POMT2: variants seen among roughly 807,000 people sequenced by gnomAD.
POMT2 encodes the protein protein O-mannosyl-transferase 2.
Under a neutral mutation model 100.0 loss-of-function variants are expected in POMT2, and 75 were observed. The observed-to-expected ratio is 0.75, with a 90% CI of 0.62 to 0.91. The LOEUF (loss-of-function observed/expected upper bound fraction) is 0.91. POMT2 is among the 40% of genes least tolerant of loss of function. The pLI, the probability that POMT2 is intolerant of heterozygous loss-of-function variation, is 0.00. For synonymous variants in POMT2, 378 were observed against 374.1 expected, an observed-to-expected ratio of 1.01 and a Z score of -0.12; for missense variants, 940 against 955.1, an observed-to-expected ratio of 0.98 and a Z score of 0.21.
intron 10 of POMT2, 70 bp from the exon 11 acceptor site, chr14:77,288,901 G>T: frequency 7.6e-7 from 1 of 1,315,704 alleles, no homozygotes. Context: ...GGGCCTACTG[G>T]TAAACAGTTA....
chr14:77,314,311 T>C (rs888513691), intron 1 of POMT2, among the ~76,000 whole-genome samples: 2 of 152,078 alleles, frequency 1.3e-5, no homozygotes, highest in Non-Finnish European at 2.9e-5. Context: ...ATTCATCCAG[T>C]CCCTCAGCAC....
In POMT2 at chr14:77,278,752, A is replaced by G; in HGVS notation, c.2009T>C (p.Met670Thr). ...ACCTGTCAACATGCTTGAGAAGAGC[A>G]TGGCTGGGAAGTAGTGGTGGAAGTA... is the stretch of plus-strand genomic sequence containing the variant. Reference protein sequence around the residue: ...VLYFHHYFPAMLFSSMLTGIL... With the variant: ...VLYFHHYFPATLFSSMLTGIL... The change falls in exon 19 of 21, where the codon ATG (methionine) becomes ACG (threonine). Residue 670 changes from methionine (M) to threonine (T), a missense_variant. Coordinates refer to ENST00000261534, the MANE Select transcript of POMT2 (RefSeq NM_013382.7). The G allele has an allele frequency of 6.2e-7, 1 of 1,613,932 alleles. No individual in the cohort carries two copies. The highest frequency in any genetic ancestry group is 8.5e-7 in the Non-Finnish European group (1 of 1,179,934).
intron 15 of POMT2, among the ~76,000 whole-genome samples, chr14:77,280,857 C>T (rs574370695): frequency 7.9e-5 from 12 of 152,098 alleles, no homozygotes; most frequent in Non-Finnish European, 1.6e-4. Flanking sequence ...TTTGGGAGGC[C>T]GAGGCGGGTG....
intron 2 of POMT2, among the ~76,000 whole-genome samples, chr14:77,310,078 G>A (rs889214655): frequency 6.6e-6 from 1 of 152,252 alleles, no homozygotes; most frequent in South Asian, 2.1e-4. Flanking sequence ...AGTCCCCACA[G>A]AAAGACTGGG....
At position 77,277,087 on chromosome 14, in the gene POMT2, C is replaced by T. The variant is rs886050823; in HGVS notation, c.*289G>A. ...CAACATGCCCTCACATACACACACG[C>T]GCACCCACTCCCACCCTCTGGCACC... On this transcript the variant is annotated 3_prime_UTR_variant, in exon 21 of 21. Transcript: ENST00000261534. The T allele has an allele frequency of 8.7e-5, 42 of 481,556 alleles. 1 individual carries two copies. The highest frequency in any genetic ancestry group is 6.4e-5 in the South Asian group (3 of 46,788). The allele number at this position is 481,556 out of a possible 1,614,324, so 29.8% of individuals were successfully genotyped here.
At chr14:77,301,551 C>G (rs1161882652) in intron 5 of POMT2, among the ~76,000 whole-genome samples, 4 of 152,210 alleles carry the variant, frequency 2.6e-5, no homozygotes, top group African/African-American at 9.7e-5. Flanking sequence ...AGTGACCAGT[C>G]AGGCAGGAGT....
chr14:77,278,185 G>A, intron 20 of POMT2: 1 of 596,110 alleles, frequency 1.7e-6, no homozygotes, highest in Non-Finnish European at 3.0e-6. Context: ...AAAAGGCAGA[G>A]TTAAGCCCTG....
intron 2 of POMT2, among the ~76,000 whole-genome samples, chr14:77,310,852 T>C (rs1004712429): frequency 6.6e-6 from 1 of 152,174 alleles, no homozygotes. Flanking sequence ...AAGACTAAAA[T>C]GGGCCAGGTG....
chr14:77,300,781 C>G, intron 6 of POMT2: 1 of 348,486 alleles, frequency 2.9e-6, no homozygotes, highest in South Asian at 2.4e-5. Flanking sequence ...GATCGGCCCA[C>G]TGCACTCCAG....
intron 6 of POMT2, chr14:77,299,995 G>A (rs1890962906): frequency 7.2e-6 from 2 of 277,380 alleles, no homozygotes; most frequent in Non-Finnish European, 1.4e-5. Flanking sequence ...TTCCTGGATT[G>A]CCTGGGACTG....
intron 8 of POMT2, among the ~76,000 whole-genome samples, chr14:77,297,694 G>A (rs1025106517): frequency 6.6e-6 from 1 of 152,196 alleles, no homozygotes; most frequent in African/African-American, 2.4e-5. Context: ...CTGCACTCAA[G>A]TCCTTAGTGA....
chr14:77,320,801 G>C lies in POMT2; in HGVS notation c.-120C>G. ...CCCGGGAAATGCAACGCCCTTCACTGCAGCGGAGCGCGGGGCCCCGGGCTC... is the reference window on the plus strand; with the variant it reads ...CCCGGGAAATGCAACGCCCTTCACTCCAGCGGAGCGCGGGGCCCCGGGCTC... On this transcript the variant is annotated 5_prime_UTR_variant, in exon 1 of 21. Transcript: ENST00000261534. 1 of 1,410,500 alleles carries C rather than the reference G, an allele frequency of 7.1e-7. No individual in the cohort carries two copies. Among genetic ancestry groups the C allele is most frequent in the Non-Finnish European group, 9.2e-7 (1 of 1,091,642 alleles). The allele number at this position is 1,410,500 out of a possible 1,614,324, so 87.4% of individuals were successfully genotyped here.
At chr14:77,280,544 T>A in intron 15 of POMT2, 81 bp from the exon 16 acceptor site, 1 of 1,606,772 alleles carries the variant, frequency 6.2e-7, no homozygotes. Context: ...GTTTTTCTGA[T>A]ATAGGGCCAA....
rs1350511523 is a variant in POMT2 at position 77,320,558 on chromosome 14, G to A, written c.124C>T (p.Pro42Ser). ...DVAAEAVARSPKRPAWGSRRF... is the reference protein window; with the variant it reads ...DVAAEAVARSSKRPAWGSRRF... ...CGTGAGCCCCAAGCAGGCCGTTTGG[G>A]GCTTCGCGCCACAGCCTCAGCGGCC... Residue 42 changes from proline to serine, a missense_variant, in exon 1 of 21, where the codon CCC becomes TCC. Pro to Ser is a moderately conservative substitution (Grantham distance 74, BLOSUM62 -1). Transcript: ENST00000261534. 6 of 1,568,716 alleles carry A rather than the reference G, an allele frequency of 3.8e-6. No individual in the cohort carries two copies. The Admixed American group carries it at 7.2e-5, about 19-fold the overall frequency.
rs184654324 is a variant in POMT2 at position 77,290,467 on chromosome 14, C to T, written c.1183+847G>A. Among the ~76,000 whole-genome samples the T allele has an allele frequency of 4.6e-5, 7 of 152,340 alleles. No homozygotes were observed. The East Asian group carries it at 1.3e-3, about 29-fold the overall frequency. ...ATAAGAGGAGGTGGATTTAGGTGAG[C>T]AGCTGCCCATTTCTCTACAAAGGCC... is the stretch of plus-strand genomic sequence containing the variant. On this transcript the variant is annotated intron_variant, in intron 10 of 20. Transcript: ENST00000261534.
chr14:77,279,818 C>T lies in POMT2; in HGVS notation c.1891+5G>A. 3 of 1,612,446 alleles carry T rather than the reference C, an allele frequency of 1.9e-6. No homozygotes were observed. The highest frequency in any genetic ancestry group is 2.5e-6 in the Non-Finnish European group (3 of 1,179,608). ...TCAGGGGAGGGAGAGCCCAGAGGAC[C>T]TGACCTGCAACCTCCGCTGGCAGCC... On this transcript the variant is annotated splice_donor_5th_base_variant and intron_variant, in intron 18 of 20. Coordinates refer to ENST00000261534, the MANE Select transcript of POMT2 (RefSeq NM_013382.7).
At chr14:77,278,058 C>T (rs2140159275) in intron 20 of POMT2, among the ~76,000 whole-genome samples, 1 of 152,300 alleles carries the variant, frequency 6.6e-6, no homozygotes, top group Non-Finnish European at 1.5e-5. Flanking sequence ...GGTTCCCTGC[C>T]CCCCATTCCC....
chr14:77,302,711 T>C (rs946242819), intron 5 of POMT2, 124 bp downstream of exon 5: 6 of 758,852 alleles, frequency 7.9e-6, no homozygotes, highest in Non-Finnish European at 1.4e-5. Flanking sequence ...AAACAAAAAG[T>C]ATGCTTGCCT....
In POMT2 at chr14:77,285,527, C is replaced by T. The variant is rs1437497738; in HGVS notation, c.1438G>A (p.Val480Ile). 3.1e-6 allele frequency: 5 copies of T among 1,614,054 alleles called. No homozygotes were observed. In the East Asian group the frequency reaches 8.9e-5, roughly 29 times the overall value. ...LRSRIRFIHL[V>I]TGCVLGSSGK... ...GAGGAGCCCAGGACACAACCTGTGA[C>T]CAAATGGATGAAGCGAATTCGACTT... The change falls in exon 13 of 21, where the codon GTC (valine) becomes ATC (isoleucine). Residue 480 changes from valine (V) to isoleucine (I), a missense_variant. Val to Ile is a conservative substitution (Grantham distance 29, BLOSUM62 3). Transcript: ENST00000261534.
Sources: gnomAD v4.1 joint callset for allele counts (sites outside exome capture counted in the v4.1 genomes callset) on GRCh38, gnomAD v4.1.1 for gene constraint, MANE v1.5 for transcripts, NCBI Gene and HGNC (gene_info 2026-07-23, HGNC 2026-07-21) for gene names.